Variants in NREP observed in about 807,000 individuals in gnomAD.
NREP encodes neuronal regeneration-related protein.
NREP carries 5 observed loss-of-function variants against 8.6 expected under a neutral mutation model. The ratio of observed to expected loss-of-function variants is 0.58; its 90% CI spans 0.30 to 1.22. The LOEUF (loss-of-function observed/expected upper bound fraction) is 1.22. Ranked by LOEUF, NREP falls within the 50% of genes most tolerant of loss-of-function variation. NREP has a pLI of 0.07. For synonymous variants in NREP, 27 were observed against 28.0 expected (o/e 0.96, Z 0.11); for missense variants, 86 against 82.5 (o/e 1.04, Z -0.17).
At chr5:111,836,838 A>C (rs1752907947) in intron 2 of NREP, among the ~76,000 whole-genome samples, 1 of 152,090 alleles carries the variant, frequency 6.6e-6, no homozygotes, top group Non-Finnish European at 1.5e-5. Flanking sequence ...CCCGTGTTTT[A>C]ACTTGTGAAA....
intron 2 of NREP, among the ~76,000 whole-genome samples, chr5:111,812,819 GAAT>G (rs940019926): frequency 2.4e-4 from 37 of 151,948 alleles, no homozygotes; most frequent in African/African-American, 8.7e-4. Context: ...CATCAATTTA[GAAT>G]AATAATAATA....
chr5:111,845,120 G>C (rs1178380239), intron 2 of NREP, among the ~76,000 whole-genome samples: 1 of 151,972 alleles, frequency 6.6e-6, no homozygotes, highest in Non-Finnish European at 1.5e-5. Context: ...TGGTTCAGTA[G>C]GGCAGACCTT....
intron 2 of NREP, among the ~76,000 whole-genome samples, chr5:111,855,826 A>C (rs1406758310): frequency 1.6e-4 from 25 of 152,164 alleles, no homozygotes. Flanking sequence ...TAATACTTTC[A>C]TGCAGGCGAA....
intron 2 of NREP, among the ~76,000 whole-genome samples, chr5:111,954,971 T>A (rs1350623261): frequency 6.6e-6 from 1 of 152,156 alleles, no homozygotes; most frequent in Non-Finnish European, 1.5e-5. Context: ...GTTTGTTAAA[T>A]TAATAACTAA....
chr5:111,884,146 C>T (rs1040205981), intron 2 of NREP, among the ~76,000 whole-genome samples: 1 of 151,838 alleles, frequency 6.6e-6, no homozygotes, highest in Non-Finnish European at 1.5e-5. Flanking sequence ...GGGGATATCA[C>T]CACCGATCCC....
At chr5:111,939,656 A>G (rs1755777378) in intron 2 of NREP, among the ~76,000 whole-genome samples, 1 of 152,074 alleles carries the variant, frequency 6.6e-6, no homozygotes, top group South Asian at 2.1e-4. Context: ...ACCGTAAACA[A>G]GTGTCCTTTT....
At chr5:111,972,382 G>A (rs145520162) in intron 2 of NREP, among the ~76,000 whole-genome samples, 255 of 152,244 alleles carry the variant, frequency 1.7e-3, no homozygotes, top group African/African-American at 5.5e-3. Context: ...ATATTTCTAC[G>A]TCTGTGGATA....
chr5:111,931,042 G>A (rs915600392), intron 2 of NREP, among the ~76,000 whole-genome samples: 1 of 152,046 alleles, frequency 6.6e-6, no homozygotes, highest in Admixed American at 6.6e-5. Context: ...AAGACAGAAA[G>A]AATTTGGATC....
intron 3 of NREP, chr5:111,731,939 T>A (rs896106908): frequency 6.6e-6 from 1 of 152,298 alleles, no homozygotes; most frequent in African/African-American, 2.4e-5. Flanking sequence ...AATACAGGTA[T>A]TCATTTACAA....
intron 2 of NREP, chr5:111,974,377 A>G (rs560290363): frequency 6.8e-6 from 1 of 147,958 alleles, no homozygotes; most frequent in Admixed American, 6.9e-5. Flanking sequence ...TCTTTCAGGG[A>G]TTGGTGGAAG....
intron 2 of NREP, among the ~76,000 whole-genome samples, chr5:111,811,112 C>T (rs1752259765): frequency 6.6e-6 from 1 of 152,120 alleles, no homozygotes; most frequent in African/African-American, 2.4e-5. Flanking sequence ...ACCTTCGCTA[C>T]CCTTTCCTTC....
At chr5:111,842,465 T>G (rs1334266937) in intron 2 of NREP, among the ~76,000 whole-genome samples, 1 of 152,160 alleles carries the variant, frequency 6.6e-6, no homozygotes, top group African/African-American at 2.4e-5. Context: ...TTCTACCACA[T>G]CCCAGAACTC....
intron 2 of NREP, among the ~76,000 whole-genome samples, chr5:111,936,372 C>T (rs760666330): frequency 1.2e-4 from 18 of 151,988 alleles, no homozygotes; most frequent in East Asian, 3.9e-4. Context: ...CTATGTAAGA[C>T]GTGCCTTGCT....
Position 111,811,207 on chromosome 5 carries a change from G to A in NREP, c.136-75700C>T, listed in dbSNP as rs185522530. ...TCAGCCTTACTCTCTTTGTTCCTCT[G>A]TCCTTTCTACTGTTCTGCAAGACCC... On this transcript the variant is annotated intron_variant, in intron 2 of 3. Transcript: ENST00000395634. Among the ~76,000 whole-genome samples, 231 of 152,086 alleles carry A rather than the reference G, an allele frequency of 1.5e-3. 2 individuals carry two copies. Among genetic ancestry groups the A allele is most frequent in the African/African-American group, 5.4e-3 (222 of 41,464 alleles).
intron 2 of NREP, among the ~76,000 whole-genome samples, chr5:111,871,384 G>A (rs1429106872): frequency 6.6e-6 from 1 of 152,050 alleles, no homozygotes; most frequent in Non-Finnish European, 1.5e-5. Context: ...TACCATGAAC[G>A]GAGCTTGCAG....
At chr5:111,802,519 A>G (rs777531329) in intron 2 of NREP, among the ~76,000 whole-genome samples, 2 of 152,214 alleles carry the variant, frequency 1.3e-5, no homozygotes, top group Non-Finnish European at 2.9e-5. Context: ...TACATACGGC[A>G]GAGCTCCAGG....
intron 2 of NREP, among the ~76,000 whole-genome samples, chr5:111,889,707 A>G (rs183978617): frequency 1.2e-4 from 19 of 152,308 alleles, no homozygotes; most frequent in African/African-American, 3.8e-4. Context: ...GTCCGTGTGA[A>G]GAGAATCCAC....
At chr5:111,753,262 T>C (rs903944131) in intron 2 of NREP, among the ~76,000 whole-genome samples, 4 of 150,750 alleles carry the variant, frequency 2.7e-5, no homozygotes, top group Non-Finnish European at 5.9e-5. Flanking sequence ...CTCCGTGCAG[T>C]GGCGTTCAAG....
intron 2 of NREP, among the ~76,000 whole-genome samples, chr5:111,811,932 T>C (rs546796892): frequency 6.6e-6 from 1 of 152,210 alleles, no homozygotes; most frequent in Admixed American, 6.5e-5. Flanking sequence ...GTTTCTCTAA[T>C]TGGATGAAAT....
Sources: allele counts gnomAD v4.1 joint callset (sites outside exome capture counted in the v4.1 genomes callset), GRCh38; gene constraint gnomAD v4.1.1; transcripts MANE v1.5; gene names NCBI Gene and HGNC (gene_info 2026-07-23, HGNC 2026-07-21).